Variants in TBX5 observed in about 807,000 individuals in gnomAD.
TBX5 encodes T-box transcription factor 5.
TBX5 carries 8 observed loss-of-function variants against 51.1 expected under a neutral mutation model. The observed-to-expected ratio is 0.16, with a 90% CI of 0.09 to 0.28. TBX5 has a LOEUF of 0.28. TBX5 is among the 10% of genes least tolerant of loss of function. TBX5 has a pLI of 1.00. For missense variants in TBX5, 589 were observed against 671.7 expected (o/e 0.88, Z 1.36); for synonymous variants, 302 against 266.4 (o/e 1.13, Z -1.30).
Position 114,355,974 on chromosome 12 carries a change from G to T in TBX5, c.1115C>A (p.Ser372Ter). ...QGLGASYRTESAQRQACMYAS... is the reference protein window; with the variant it reads ...QGLGASYRTE ...ATACATGCAAGCTTGCCGCTGTGCC[G>T]ACTCTGTCCTGTAGGAGGCACCCAG... The change falls in exon 9 of 9, where the codon TCG (serine) becomes TAG (stop). Residue 372 changes from serine (S) to a stop codon, truncating the protein, a stop_gained. Coordinates refer to ENST00000405440, the MANE Select transcript of TBX5 (RefSeq NM_181486.4). LOFTEE classifies it high-confidence loss of function. 1 of 1,614,072 alleles carries T rather than the reference G, an allele frequency of 6.2e-7. No individual in the cohort carries two copies.
rs56315440 is a variant in TBX5, at chr12:114,365,829, C to CA, written c.982+335dup. On this transcript the variant is annotated intron_variant, in intron 8 of 8. Transcript: ENST00000405440. ...TGGGTGATAGAGCAAGATCCTGTCT[C>CA]AAAAAAAAAAAAAAAAGAAAAAAAA... 0.35 allele frequency among the ~76,000 whole-genome samples: 43,788 copies of CA among 123,700 alleles called. 7,965 individuals carry two copies. Among genetic ancestry groups the CA allele is most frequent in the Non-Finnish European group, 0.41 (24,856 of 60,956 alleles). The allele number at this position is 123,700 out of a possible 152,430, so 81.2% of individuals were successfully genotyped here.
upstream of TBX5, chr12:114,408,320 G>C (rs115599823): frequency 9.1e-6 from 6 of 657,096 alleles, no homozygotes; most frequent in Non-Finnish European, 1.1e-5. Flanking sequence ...AGCCAAGATC[G>C]ACTTTCTTAG....
chr12:114,366,725 A>G (rs1043140174), intron 7 of TBX5, among the ~76,000 whole-genome samples: 1 of 152,188 alleles, frequency 6.6e-6, no homozygotes, highest in Non-Finnish European at 1.5e-5. Flanking sequence ...AATTTAGTCT[A>G]TGTATGTCTT....
chr12:114,367,252 G>GAGAAA (rs148020424), intron 7 of TBX5, among the ~76,000 whole-genome samples: 49 of 141,360 alleles, frequency 3.5e-4, no homozygotes, highest in African/African-American at 1.2e-3. Context: ...AAACAAAAAA[G>GAGAAA]GAAAGAAAGA....
intron 3 of TBX5, among the ~76,000 whole-genome samples, chr12:114,400,365 C>A (rs1871731594): frequency 6.6e-6 from 1 of 152,254 alleles, no homozygotes; most frequent in African/African-American, 2.4e-5. Context: ...AAAGCTGAGG[C>A]CTGAACTAAG....
chr12:114,379,092 G>A (rs1299556621), intron 7 of TBX5, among the ~76,000 whole-genome samples: 1 of 152,200 alleles, frequency 6.6e-6, no homozygotes, highest in Non-Finnish European at 1.5e-5. Context: ...TCACAGGAGT[G>A]TGCCAAGCTG....
At chr12:114,382,304 G>T (rs1325330433) in intron 7 of TBX5, among the ~76,000 whole-genome samples, 1 of 151,738 alleles carries the variant, frequency 6.6e-6, no homozygotes, top group Non-Finnish European at 1.5e-5. Flanking sequence ...ACAGAGCGAG[G>T]CCCTGTCTCA....
rs755152246 is a variant in TBX5, at chr12:114,355,816, G to T, written c.1273C>A (p.His425Asn). The T allele has an allele frequency of 7.9e-5, 127 of 1,614,004 alleles. No individual in the cohort carries two copies. The highest frequency in any genetic ancestry group is 1.1e-4 in the Non-Finnish European group (125 of 1,180,050). Residue 425 changes from histidine (H) to asparagine (N), a missense_variant, in exon 9 of 9, where the codon CAC becomes AAC. Around this residue, in one of 7 missense-constraint regions of TBX5, gnomAD observed 348 missense variants for 360.4 expected, o/e 0.97. Transcript: ENST00000405440. ...VQPMDRLPYQ[H>N]FSAHFTSGPL... Reference sequence around the variant, plus strand: ...CCCGAGGTGAAGTGAGCGGAGAAGTGCTGGTAGGGTAGCCTGTCCATGGGC... The same window carrying T: ...CCCGAGGTGAAGTGAGCGGAGAAGTTCTGGTAGGGTAGCCTGTCCATGGGC...
At chr12:114,385,707 C>A in intron 6 of TBX5, 140 bp from the exon 7 acceptor site, 2 of 722,770 alleles carry the variant, frequency 2.8e-6, no homozygotes, top group Non-Finnish European at 5.0e-6. Context: ...GTCACGTCAA[C>A]GGGACCCACC....
chr12:114,395,220 T>C (rs1871353125), intron 5 of TBX5, among the ~76,000 whole-genome samples: 1 of 152,124 alleles, frequency 6.6e-6, no homozygotes, highest in South Asian at 2.1e-4. Flanking sequence ...GCTGAGCAAG[T>C]CTGGATCGAG....
rs900740449 is a variant in TBX5, at chr12:114,373,777, A to G, written c.756-7386T>C. ...CAGCCTCAAGCTAAACTTTTAATGA[A>G]TTTATGGTAATAATTCATCAAATAG... is the stretch of plus-strand genomic sequence containing the variant. On this transcript the variant is annotated intron_variant, in intron 7 of 8. Transcript: ENST00000405440. 2.0e-5 allele frequency among the ~76,000 whole-genome samples: 3 copies of G among 152,248 alleles called. No individual in the cohort carries two copies. In the East Asian group the frequency reaches 5.8e-4, roughly 29 times the overall value.
In TBX5 at chr12:114,355,633, C is replaced by T; in HGVS notation, c.1456G>A (p.Glu486Lys). ...LQSPGTLQPP[E>K]FLYSHGVPRT... is the part of the protein sequence containing the mutation. ...GGCACGCCATGAGAGTAGAGGAACT[C>T]AGGGGGCTGAAGGGTGCCAGGGGAC... Residue 486 changes from glutamate (E) to lysine (K), a missense_variant, in exon 9 of 9, where the codon GAG becomes AAG. Coordinates refer to ENST00000405440, the MANE Select transcript of TBX5 (RefSeq NM_181486.4). 3 of 1,614,170 alleles carry T rather than the reference C, an allele frequency of 1.9e-6. No homozygotes were observed. The highest frequency in any genetic ancestry group is 4.5e-5 in the East Asian group (2 of 44,872).
intron 5 of TBX5, among the ~76,000 whole-genome samples, chr12:114,395,324 C>G (rs1362340180): frequency 3.3e-5 from 5 of 151,998 alleles, no homozygotes; most frequent in Non-Finnish European, 7.4e-5. Flanking sequence ...ATAGAAATAA[C>G]CCCCACTCCC....
At chr12:114,387,538 A>T (rs1870884332) in intron 6 of TBX5, among the ~76,000 whole-genome samples, 2 of 152,354 alleles carry the variant, frequency 1.3e-5, no homozygotes, top group East Asian at 3.9e-4. Flanking sequence ...CAGAGCCCAG[A>T]GGATTTTTGG....
intron 7 of TBX5, among the ~76,000 whole-genome samples, chr12:114,382,938 C>T (rs1309014624): frequency 6.7e-6 from 1 of 149,690 alleles, no homozygotes; most frequent in Non-Finnish European, 1.5e-5. Context: ...GATCGTGCCA[C>T]TGCACTCCAG....
chr12:114,378,093 G>A (rs1870295364), intron 7 of TBX5, among the ~76,000 whole-genome samples: 1 of 152,166 alleles, frequency 6.6e-6, no homozygotes, highest in Admixed American at 6.5e-5. Flanking sequence ...CACTAAGAGA[G>A]CAAGGAAGTA....
At chr12:114,398,172 A>C (rs1372359794) in intron 5 of TBX5, among the ~76,000 whole-genome samples, 2 of 152,196 alleles carry the variant, frequency 1.3e-5, no homozygotes, top group Non-Finnish European at 2.9e-5. Context: ...GCCCCAGACC[A>C]GGTGAGCCGG....
In TBX5 at chr12:114,405,756, C is replaced by T. The variant is rs886507683; in HGVS notation, c.-167G>A. On this transcript the variant is annotated 5_prime_UTR_variant, in exon 1 of 9. Transcript: ENST00000405440. ...GGGGTTTACTGCTTACCCAGAATAG[C>T]GGCTACTGCTGCCTACTAGGGCGCA... is the stretch of plus-strand genomic sequence containing the variant. 1.0e-6 allele frequency: 1 copy of T among 985,512 alleles called. No homozygotes were observed. Among genetic ancestry groups the T allele is most frequent in the Non-Finnish European group, 1.2e-6 (1 of 830,004 alleles). 61.0% of individuals were successfully genotyped at this position (985,512 alleles called of 1,614,324 possible).
chr12:114,360,673 T>C (rs1869186167), intron 8 of TBX5, among the ~76,000 whole-genome samples: 1 of 141,698 alleles, frequency 7.1e-6, no homozygotes, highest in Admixed American at 7.1e-5. Context: ...AGTGAGTGGA[T>C]AGATAGATGA....
Sources: allele counts gnomAD v4.1 joint callset (sites outside exome capture counted in the v4.1 genomes callset), GRCh38; gene constraint gnomAD v4.1.1; regional missense constraint gnomAD v4.1.1; transcripts MANE v1.5; gene names NCBI Gene and HGNC (gene_info 2026-07-23, HGNC 2026-07-21).